The following SUPT20H variants were observed in gnomAD, a reference collection of about 807,000 sequenced individuals.
SUPT20H encodes transcription factor SPT20 homolog.
In SUPT20H, 82 loss-of-function variants were observed where a neutral mutation model predicts 122.8. That is an observed-to-expected ratio of 0.67 (90% CI 0.56 to 0.80). SUPT20H has a LOEUF of 0.80. SUPT20H is among the 30% of genes least tolerant of loss of function. SUPT20H has a pLI of 0.00. For missense variants in SUPT20H, 831 were observed against 921.6 expected (o/e 0.90, Z 1.27); for synonymous variants, 291 against 313.0 (o/e 0.93, Z 0.74).
chr13:37,057,777 C>A lies in SUPT20H; in HGVS notation c.-94+1782G>T, dbSNP rs569846225. Among the ~76,000 whole-genome samples the A allele has an allele frequency of 8.5e-5, 13 of 152,202 alleles. No individual in the cohort carries two copies. In the South Asian group the frequency reaches 2.7e-3, roughly 32 times the overall value. ...TTGCTTCAGCCCTGGAGTTCGAGAC[C>A]AGCCTGGACAACATGGCGAAACCCC... On this transcript the variant is annotated intron_variant, in intron 1 of 25. Coordinates refer to ENST00000350612, the MANE Select transcript of SUPT20H (RefSeq NM_001014286.3).
chr13:37,012,814 A>G (rs1170729081), intron 23 of SUPT20H: 1 of 152,182 alleles, frequency 6.6e-6, no homozygotes, highest in African/African-American at 2.4e-5. Flanking sequence ...TACAAAAATC[A>G]ACACTATATA....
At chr13:37,031,530 C>A in intron 12 of SUPT20H, 37 bp downstream of exon 12, 1 of 1,405,166 alleles carries the variant, frequency 7.1e-7, no homozygotes, top group Non-Finnish European at 9.5e-7. Flanking sequence ...AACTGAGAAA[C>A]TTTATATGAA....
chr13:37,037,082 A>G (rs2064584360), intron 9 of SUPT20H, among the ~76,000 whole-genome samples: 1 of 151,910 alleles, frequency 6.6e-6, no homozygotes, highest in Non-Finnish European at 1.5e-5. Flanking sequence ...CTATAGTCCC[A>G]GCTACTCAGG....
At chr13:37,038,242 CTTCA>C (rs1170108013) in intron 9 of SUPT20H, 1 of 152,146 alleles carries the variant, frequency 6.6e-6, no homozygotes, top group Non-Finnish European at 1.5e-5. Context: ...AGATTCACTA[CTTCA>C]TTAAGACTTT....
chr13:37,022,738 T>C lies in SUPT20H; in HGVS notation c.1592-658A>G. On this transcript the variant is annotated intron_variant, in intron 19 of 25. Transcript: ENST00000350612. This position sits in a 1 kb window ranked among gnomAD's most constrained non-coding sequence, Gnocchi z 4.5. ...AAGTCTGAGATAAACTGTAAACATATTTAATAAGTTACATATGGTTAACAA... is the reference window on the plus strand; with the variant it reads ...AAGTCTGAGATAAACTGTAAACATACTTAATAAGTTACATATGGTTAACAA... 1 of 990,620 alleles carries C rather than the reference T, an allele frequency of 1.0e-6. No homozygotes were observed. The highest frequency in any genetic ancestry group is 1.2e-6 in the Non-Finnish European group (1 of 830,776). 61.4% of individuals were successfully genotyped at this position (990,620 alleles called of 1,614,324 possible). A position where few individuals can be genotyped will look rare whatever the true frequency, so the allele number is the denominator to read the frequency against.
chr13:37,023,016 G>C, intron 19 of SUPT20H: 1 of 1,280,246 alleles, frequency 7.8e-7, no homozygotes, highest in Non-Finnish European at 1.0e-6. Flanking sequence ...AAAAGCTCTT[G>C]AGGTGTTTTC....
chr13:37,035,408 T>G (rs1345349810), intron 9 of SUPT20H, among the ~76,000 whole-genome samples: 1 of 152,156 alleles, frequency 6.6e-6, no homozygotes, highest in Admixed American at 6.5e-5. Flanking sequence ...GCAGATGTGG[T>G]GATAGCAAGA....
chr13:37,021,983 A>G (rs764569663), intron 20 of SUPT20H, 28 bp downstream of exon 20: 2 of 1,530,360 alleles, frequency 1.3e-6, no homozygotes, highest in South Asian at 2.6e-5. Flanking sequence ...TTTATAAAAA[A>G]AAAATCCGAA....
At chr13:37,028,994 CA>C (rs1311115582) in intron 13 of SUPT20H, among the ~76,000 whole-genome samples, 1 of 151,570 alleles carries the variant, frequency 6.6e-6, no homozygotes, top group Non-Finnish European at 1.5e-5. Context: ...ATCTATTTAT[CA>C]TTTGTCTGCT....
At chr13:37,043,881 T>C (rs1344713783) in intron 7 of SUPT20H, among the ~76,000 whole-genome samples, 197 bp downstream of exon 7, 1 of 151,354 alleles carries the variant, frequency 6.6e-6, no homozygotes, top group Non-Finnish European at 1.5e-5. Context: ...ATTACAGGCA[T>C]CATGAGCCAC....
At chr13:37,028,014 A>T in intron 14 of SUPT20H, 134 bp downstream of exon 14, 1 of 767,216 alleles carries the variant, frequency 1.3e-6, no homozygotes, top group African/African-American at 1.8e-5. Flanking sequence ...CGCCAAATCT[A>T]ATTGTTATAT....
At chr13:37,031,707 T>C in intron 11 of SUPT20H, 32 bp downstream of exon 11, 7 of 1,560,916 alleles carry the variant, frequency 4.5e-6, no homozygotes, top group African/African-American at 1.4e-5. Flanking sequence ...CTTTTGGGCA[T>C]AATAAGCTTC....
At chr13:37,011,619 C>G (rs934373214) in intron 24 of SUPT20H, among the ~76,000 whole-genome samples, 9 of 152,040 alleles carry the variant, frequency 5.9e-5, no homozygotes, top group African/African-American at 2.2e-4. Context: ...TTAGAATTAT[C>G]GTCTTCAACT....
rs190539654 is a variant in SUPT20H at position 37,033,798 on chromosome 13, C to T, written c.568-210G>A. ...CTAATGGAAATTCAATGCAGGTATACCTCATTTTATTGTGGTTCGCAAATA... is the reference window on the plus strand; with the variant it reads ...CTAATGGAAATTCAATGCAGGTATATCTCATTTTATTGTGGTTCGCAAATA... On this transcript the variant is annotated intron_variant, in intron 9 of 25. Transcript: ENST00000350612. 6.6e-5 allele frequency among the ~76,000 whole-genome samples: 10 copies of T among 152,248 alleles called. 1 individual carries two copies. The East Asian group carries it at 1.5e-3, about 24-fold the overall frequency.
intron 22 of SUPT20H, 139 bp from the exon 23 acceptor site, chr13:37,017,503 A>T (rs909378947): frequency 4.3e-6 from 4 of 931,116 alleles, no homozygotes; most frequent in Non-Finnish European, 6.2e-6. Flanking sequence ...AGAAAAAACA[A>T]GTTGGCTGCC....
At chr13:37,033,707 G>T in intron 9 of SUPT20H, 119 bp from the exon 10 acceptor site, 3 of 1,089,242 alleles carry the variant, frequency 2.8e-6, no homozygotes, top group Admixed American at 3.1e-5. Context: ...AGTAAAATAT[G>T]GTATTTCAAG....
At chr13:37,037,758 G>T in intron 9 of SUPT20H, among the ~76,000 whole-genome samples, 1 of 152,016 alleles carries the variant, frequency 6.6e-6, no homozygotes, top group Non-Finnish European at 1.5e-5. Context: ...CAAACATACA[G>T]GCTCTTTACT....
At chr13:37,040,535 A>C (rs368716169) in intron 8 of SUPT20H, 41 bp downstream of exon 8, 22 of 1,596,784 alleles carry the variant, frequency 1.4e-5, no homozygotes, top group Non-Finnish European at 1.8e-5. Flanking sequence ...AAAACTCCCA[A>C]CTAAAATCTA....
chr13:37,041,352 C>A (rs1231663790), intron 7 of SUPT20H, among the ~76,000 whole-genome samples: 1 of 151,874 alleles, frequency 6.6e-6, no homozygotes, highest in African/African-American at 2.4e-5. Context: ...TGCGTCTCTA[C>A]TAAAAATACA....
Sources: allele counts gnomAD v4.1 joint callset (sites outside exome capture counted in the v4.1 genomes callset), GRCh38; gene constraint gnomAD v4.1.1; non-coding constraint Gnocchi (gnomAD v3.1); transcripts MANE v1.5; gene names NCBI Gene and HGNC (gene_info 2026-07-23, HGNC 2026-07-21).